The following TOMM70 variants were observed in gnomAD, a reference collection of about 807,000 sequenced individuals.
TOMM70 encodes the protein mitochondrial import receptor subunit TOM70.
Under a neutral mutation model 73.6 loss-of-function variants are expected in TOMM70, and 13 were observed. That is an observed-to-expected ratio of 0.18 (90% CI 0.11 to 0.28). The LOEUF (loss-of-function observed/expected upper bound fraction) is 0.28. Ranked by LOEUF, TOMM70 falls within the 10% of genes least tolerant of loss-of-function variation. TOMM70 has a pLI of 1.00. For synonymous variants in TOMM70, 257 were observed against 271.2 expected (o/e 0.95, Z 0.51); for missense variants, 609 against 747.5 (o/e 0.81, Z 2.16).
At chr3:100,381,167 C>A (rs548194551) in intron 5 of TOMM70, among the ~76,000 whole-genome samples, 3 of 152,234 alleles carry the variant, frequency 2.0e-5, no homozygotes, top group African/African-American at 7.2e-5. Flanking sequence ...AAATGGGCAT[C>A]TTCCTAGACA....
intron 1 of TOMM70, among the ~76,000 whole-genome samples, chr3:100,397,888 CAA>C (rs1299644342): frequency 7.2e-6 from 1 of 138,068 alleles, no homozygotes; most frequent in African/African-American, 2.7e-5. Flanking sequence ...GACTCCGTAT[CAA>C]AAAAAAAAAG....
intron 1 of TOMM70, among the ~76,000 whole-genome samples, chr3:100,396,014 G>GTTTT (rs34486101): frequency 2.1e-4 from 30 of 140,646 alleles, no homozygotes; most frequent in African/African-American, 7.4e-4. Context: ...CTGGTATCAG[G>GTTTT]TTTTTTTTTT....
intron 10 of TOMM70, among the ~76,000 whole-genome samples, chr3:100,368,570 A>G (rs1388801799): frequency 4.6e-5 from 7 of 152,172 alleles, no homozygotes; most frequent in Non-Finnish European, 8.8e-5. Flanking sequence ...ATAGTACATT[A>G]ATTTCTTTCT....
chr3:100,372,792 CA>C (rs1706525298), intron 8 of TOMM70, 70 bp from the exon 9 acceptor site: 4 of 1,239,494 alleles, frequency 3.2e-6, no homozygotes, highest in Non-Finnish European at 4.6e-6. Context: ...CATAAACACA[CA>C]AAATTACATA....
At chr3:100,381,797 G>A in intron 4 of TOMM70, 34 bp from the exon 5 acceptor site, 3 of 1,547,376 alleles carry the variant, frequency 1.9e-6, no homozygotes, top group South Asian at 1.2e-5. Context: ...ACATCAGGAT[G>A]GGAAATACCA....
rs147205322 is a variant in TOMM70, at chr3:100,363,819, TC to T, written c.*1744del. On this transcript the variant is annotated 3_prime_UTR_variant, in exon 12 of 12. Coordinates refer to ENST00000284320, the MANE Select transcript of TOMM70 (RefSeq NM_014820.5). The stretch of plus-strand genomic sequence containing the variant: ...AAACAAAATGCAGCGGTCTCAAACT[TC>T]CCATCATCCAAATCATCTTGAATTA... 29 of 152,320 alleles carry T rather than the reference TC, an allele frequency of 1.9e-4. No homozygotes were observed. The highest frequency in any genetic ancestry group is 7.0e-4 in the African/African-American group (29 of 41,572). 9.4% of individuals were successfully genotyped at this position (152,320 alleles called of 1,614,324 possible). A position where few individuals can be genotyped will look rare whatever the true frequency, so the allele number is the denominator to read the frequency against.
intron 7 of TOMM70, 97 bp from the exon 8 acceptor site, chr3:100,373,742 C>A: frequency 1.5e-6 from 1 of 669,382 alleles, no homozygotes. Context: ...TAATGCTGAG[C>A]ATGTAGTAGT....
intron 5 of TOMM70, among the ~76,000 whole-genome samples, chr3:100,380,484 T>A (rs868670805): frequency 6.6e-6 from 1 of 152,234 alleles, no homozygotes; most frequent in Non-Finnish European, 1.5e-5. Context: ...TAAATATTAC[T>A]AGCTCCATTT....
intron 3 of TOMM70, among the ~76,000 whole-genome samples, chr3:100,385,445 C>A (rs981591808): frequency 2.0e-5 from 3 of 152,214 alleles, no homozygotes; most frequent in African/African-American, 7.2e-5. Flanking sequence ...GTAATCTACA[C>A]TTTTCTTTTC....
chr3:100,393,716 G>A (rs1706790027), intron 1 of TOMM70, among the ~76,000 whole-genome samples: 1 of 150,330 alleles, frequency 6.7e-6, no homozygotes, highest in African/African-American at 2.4e-5. Flanking sequence ...CTAGAAAACA[G>A]GTTACATTTT....
intron 1 of TOMM70, among the ~76,000 whole-genome samples, chr3:100,387,523 T>C (rs1014247184): frequency 3.3e-5 from 5 of 150,276 alleles, no homozygotes; most frequent in Non-Finnish European, 5.9e-5. Context: ...GCAATCCCCC[T>C]ACCTCCATGT....
Position 100,363,718 on chromosome 3 carries a change from T to A in TOMM70, c.*1846A>T, listed in dbSNP as rs1252254791. ...TAAATACAGCCATGCAAATAAAAACTTTTTTAAAGTCAGAGGTCATTCAGA... is the reference window on the plus strand; with the variant it reads ...TAAATACAGCCATGCAAATAAAAACATTTTTAAAGTCAGAGGTCATTCAGA... On this transcript the variant is annotated 3_prime_UTR_variant, in exon 12 of 12. Transcript: ENST00000284320. 6.6e-6 allele frequency: 1 copy of A among 152,618 alleles called. No individual in the cohort carries two copies. Among genetic ancestry groups the A allele is most frequent in the Non-Finnish European group, 1.5e-5 (1 of 68,024 alleles). 9.5% of individuals were successfully genotyped at this position (152,618 alleles called of 1,614,324 possible). A position where few individuals can be genotyped will look rare whatever the true frequency, so the allele number is the denominator to read the frequency against.
At chr3:100,392,008 T>C (rs540969502) in intron 1 of TOMM70, among the ~76,000 whole-genome samples, 9 of 152,334 alleles carry the variant, frequency 5.9e-5, no homozygotes, top group Non-Finnish European at 7.4e-5. Context: ...ATCTTTTCTA[T>C]GTTTAGGTAC....
intron 6 of TOMM70, among the ~76,000 whole-genome samples, chr3:100,375,993 T>C (rs1401213080): frequency 6.6e-6 from 1 of 152,202 alleles, no homozygotes; most frequent in East Asian, 1.9e-4. Context: ...CAGCAATGTA[T>C]GAGGGTTCCA....
chr3:100,395,923 T>C (rs1706820770), intron 1 of TOMM70, among the ~76,000 whole-genome samples: 1 of 151,776 alleles, frequency 6.6e-6, no homozygotes, highest in Admixed American at 6.6e-5. Flanking sequence ...AATCACATAG[T>C]GGTGTGCTTA....
intron 1 of TOMM70, among the ~76,000 whole-genome samples, chr3:100,398,639 C>T (rs1706851198): frequency 6.6e-6 from 1 of 152,076 alleles, no homozygotes. Flanking sequence ...TATAAATGAT[C>T]ATAATGAGAA....
At chr3:100,375,743 A>T (rs557544379) in intron 6 of TOMM70, among the ~76,000 whole-genome samples, 1 of 152,218 alleles carries the variant, frequency 6.6e-6, no homozygotes, top group Non-Finnish European at 1.5e-5. Context: ...TTAAAAATAG[A>T]GATGAGATTT....
chr3:100,379,131 G>A (rs1160363377), intron 5 of TOMM70, among the ~76,000 whole-genome samples: 1 of 152,188 alleles, frequency 6.6e-6, no homozygotes, highest in East Asian at 1.9e-4. Context: ...AAAAAGCAGT[G>A]AGCACAGTAT....
In TOMM70 at chr3:100,371,414, G is replaced by A. The variant is rs140828765; in HGVS notation, c.1452+1192C>T. On this transcript the variant is annotated intron_variant, in intron 9 of 11. Transcript: ENST00000284320. Reference sequence around the variant, plus strand: ...CGAGTTGCTGGGATAACAGGTGTGCGCCAAACCACACCCAGCTAATTTTTG... The same window carrying A: ...CGAGTTGCTGGGATAACAGGTGTGCACCAAACCACACCCAGCTAATTTTTG... Among the ~76,000 whole-genome samples the A allele has an allele frequency of 9.4e-3, 1,426 of 151,752 alleles. 16 individuals are homozygous for A. Among genetic ancestry groups the A allele is most frequent in the Non-Finnish European group, 0.016 (1,067 of 67,894 alleles).
Sources: allele counts gnomAD v4.1 joint callset (sites outside exome capture counted in the v4.1 genomes callset), GRCh38; gene constraint gnomAD v4.1.1; transcripts MANE v1.5; gene names NCBI Gene and HGNC (gene_info 2026-07-23, HGNC 2026-07-21).